ZNF461: variants seen among roughly 807,000 people sequenced by gnomAD.
ZNF461 encodes gonadotropin-inducible ovarian transcription factor-1.
In ZNF461, 16 loss-of-function variants were observed where a neutral mutation model predicts 18.3. That is an observed-to-expected ratio of 0.88 (90% CI 0.59 to 1.33). The LOEUF is 1.33. ZNF461 is among the 40% of genes most tolerant of loss of function. The pLI is 0.00. For missense variants in ZNF461, 595 were observed against 669.9 expected (o/e 0.89, Z 1.23); for synonymous variants, 179 against 216.9 (o/e 0.83, Z 1.54).
At chr19:36,662,723 T>C (rs558232234) in intron 2 of ZNF461, among the ~76,000 whole-genome samples, 2 of 152,366 alleles carry the variant, frequency 1.3e-5, no homozygotes, top group East Asian at 3.9e-4. Flanking sequence ...TCTGATTTTA[T>C]TATTAAATTC....
At chr19:36,643,936 T>G in intron 4 of ZNF461, 74 bp from the exon 5 acceptor site, 1 of 1,199,910 alleles carries the variant, frequency 8.3e-7, no homozygotes, top group Non-Finnish European at 1.1e-6. Flanking sequence ...AGAATATCTA[T>G]TTCTTTTTCT....
chr19:36,651,617 A>T (rs2037628898), intron 4 of ZNF461, among the ~76,000 whole-genome samples: 1 of 152,230 alleles, frequency 6.6e-6, no homozygotes, highest in Non-Finnish European at 1.5e-5. Flanking sequence ...TTAGGTATAA[A>T]ACTAACAAAA....
Position 36,638,411 on chromosome 19 carries a change from A to G in ZNF461, c.*242T>C. 1 of 330,944 alleles carries G rather than the reference A, an allele frequency of 3.0e-6. No individual in the cohort carries two copies. Among genetic ancestry groups the G allele is most frequent in the Non-Finnish European group, 5.5e-6 (1 of 183,202 alleles). The allele number at this position is 330,944 out of a possible 1,614,324, so 20.5% of individuals were successfully genotyped here. A position where few individuals can be genotyped will look rare whatever the true frequency, so the allele number is the denominator to read the frequency against. ...GTGAAATATTTCACTGGTTTCAGTG[A>G]AACATGTAATTTTAGAAAATTTATT... is the stretch of plus-strand genomic sequence containing the variant. On this transcript the variant is annotated 3_prime_UTR_variant, in exon 6 of 6. Transcript: ENST00000588268.
At chr19:36,660,148 CTTTTT>C (rs35264079) in intron 2 of ZNF461, among the ~76,000 whole-genome samples, 1 of 118,544 alleles carries the variant, frequency 8.4e-6, no homozygotes, top group African/African-American at 3.4e-5. Context: ...TCTCTAAAAT[CTTTTT>C]TTTTTTTTTT....
chr19:36,644,027 G>A (rs1031100839), intron 4 of ZNF461, among the ~76,000 whole-genome samples, 165 bp from the exon 5 acceptor site: 1 of 152,102 alleles, frequency 6.6e-6, no homozygotes, highest in African/African-American at 2.4e-5. Flanking sequence ...CCGCCTACTG[G>A]GTTCAAGCGA....
intron 2 of ZNF461, 179 bp from the exon 3 acceptor site, chr19:36,658,604 C>T (rs965699083): frequency 1.4e-5 from 7 of 492,732 alleles, no homozygotes; most frequent in Non-Finnish European, 2.4e-5. Flanking sequence ...CCCATATGTT[C>T]TTAAACAATT....
chr19:36,642,818 G>A (rs1424885460), intron 5 of ZNF461, among the ~76,000 whole-genome samples: 3 of 151,522 alleles, frequency 2.0e-5, no homozygotes, highest in Non-Finnish European at 2.9e-5. Flanking sequence ...GCAATGGTGC[G>A]ATCTCGGCTC....
intron 3 of ZNF461, 166 bp downstream of exon 3, chr19:36,658,133 C>G: frequency 1.6e-6 from 1 of 644,264 alleles, no homozygotes. Flanking sequence ...AAATGTACCT[C>G]CATTTAGCTG....
At chr19:36,666,261 A>G (rs1242562454) in intron 1 of ZNF461, among the ~76,000 whole-genome samples, 1 of 151,666 alleles carries the variant, frequency 6.6e-6, no homozygotes, top group Non-Finnish European at 1.5e-5. Context: ...TACCCGGCTA[A>G]TTTTGTATTT....
rs919038107 is a variant in ZNF461, at chr19:36,650,969, C to T, written c.232+5479G>A. 1.2e-4 allele frequency among the ~76,000 whole-genome samples: 18 copies of T among 151,136 alleles called. No individual in the cohort carries two copies. The East Asian group carries it at 2.9e-3, about 24-fold the overall frequency. ...AGAGCTGGCCGGGCGTGGTGTCTCA[C>T]GCCTGTAATCCCAGTACTTTGGGAG... On this transcript the variant is annotated intron_variant, in intron 4 of 5. Coordinates refer to ENST00000588268, the MANE Select transcript of ZNF461 (RefSeq NM_153257.5).
intron 1 of ZNF461, among the ~76,000 whole-genome samples, chr19:36,665,279 C>G (rs1372302792): frequency 6.6e-6 from 1 of 152,012 alleles, no homozygotes. Flanking sequence ...AATTTGCAGA[C>G]CAAAATAAAT....
intron 4 of ZNF461, among the ~76,000 whole-genome samples, chr19:36,649,374 A>G (rs565444219): frequency 1.3e-5 from 2 of 152,220 alleles, no homozygotes; most frequent in East Asian, 3.9e-4. Flanking sequence ...CTTGGCGCCC[A>G]GGCTGGAGTG....
chr19:36,666,379 C>A (rs2037939249), intron 1 of ZNF461, among the ~76,000 whole-genome samples: 1 of 152,066 alleles, frequency 6.6e-6, no homozygotes, highest in South Asian at 2.1e-4. Context: ...CAGGGGTGAG[C>A]CACCGCTCCC....
intron 4 of ZNF461, among the ~76,000 whole-genome samples, chr19:36,651,234 A>G (rs35225153): frequency 1.3e-4 from 3 of 22,388 alleles, no homozygotes; most frequent in African/African-American, 7.5e-4. Context: ...CCGTCTCAGG[A>G]AAAAAAAAAA....
rs1276213989 is a variant in ZNF461 at position 36,638,392 on chromosome 19, T to TATTTCACTGTTTCAGTGAAAC, written c.*260_*261insGTTTCACTGAAACAGTGAAAT. The stretch of plus-strand genomic sequence containing the variant: ...ATTTTATTTCACTGTTTCAGTGAAA[T>TATTTCACTGTTTCAGTGAAAC]ATTTCACTGGTTTCAGTGAAACATG... On this transcript the variant is annotated 3_prime_UTR_variant, in exon 6 of 6. Transcript: ENST00000588268. 4 of 292,842 alleles carry TATTTCACTGTTTCAGTGAAAC rather than the reference T, an allele frequency of 1.4e-5. No homozygotes were observed. The highest frequency in any genetic ancestry group is 9.1e-5 in the Admixed American group (2 of 21,876). The allele number at this position is 292,842 out of a possible 1,614,324, so 18.1% of individuals were successfully genotyped here.
chr19:36,654,079 G>A (rs767006989), intron 4 of ZNF461, among the ~76,000 whole-genome samples: 5 of 152,006 alleles, frequency 3.3e-5, no homozygotes, highest in Non-Finnish European at 7.4e-5. Context: ...AGCTGCAAAG[G>A]GGGTACACAG....
Position 36,639,311 on chromosome 19 carries a change from G to GT in ZNF461, c.1033dup (p.Thr345AsnfsTer2), listed in dbSNP as rs1568641565. 6.2e-7 allele frequency: 1 copy of GT among 1,614,018 alleles called. No homozygotes were observed. The highest frequency in any genetic ancestry group is 8.5e-7 in the Non-Finnish European group (1 of 1,179,998). On this transcript the variant is annotated frameshift_variant, in exon 6 of 6. Transcript: ENST00000588268. LOFTEE classifies it low-confidence loss of function (END_TRUNC). ...TCCAGTATGGAGTCGCAGGTGTTCAGTAAGTTGAAAGCCACGAATAAAAGC... is the reference window on the plus strand; with the variant it reads ...TCCAGTATGGAGTCGCAGGTGTTCAGTTAAGTTGAAAGCCACGAATAAAAGC...
chr19:36,654,187 CTACCCAGG>C (rs1283802408), intron 4 of ZNF461, among the ~76,000 whole-genome samples: 3 of 151,968 alleles, frequency 2.0e-5, no homozygotes, highest in Non-Finnish European at 4.4e-5. Flanking sequence ...AGGAAAAGGC[CTACCCAGG>C]TATAAAAAAA....
intron 5 of ZNF461, among the ~76,000 whole-genome samples, chr19:36,640,277 GT>G (rs1262856799): frequency 6.6e-6 from 1 of 152,144 alleles, no homozygotes; most frequent in East Asian, 1.9e-4. Flanking sequence ...TACCTTGAGA[GT>G]TTGTTGCAAT....
Sources: gnomAD v4.1 joint callset for allele counts (sites outside exome capture counted in the v4.1 genomes callset) on GRCh38, gnomAD v4.1.1 for gene constraint, MANE v1.5 for transcripts, NCBI Gene and HGNC (gene_info 2026-07-23, HGNC 2026-07-21) for gene names.